NKAIN3: variants seen among roughly 807,000 people sequenced by gnomAD.
NKAIN3 encodes sodium/potassium-transporting ATPase subunit beta-1-interacting protein 3.
In NKAIN3, 25 loss-of-function variants were observed where a neutral mutation model predicts 30.2. The observed-to-expected ratio is 0.83, with a 90% confidence interval of 0.60 to 1.16. The LOEUF is 1.16. Among genes scored for constraint, NKAIN3 ranks in the 50% most tolerant of loss-of-function variants. The probability of loss-of-function intolerance (pLI) is 0.00; values close to 1 mark genes in which losing one functional copy is unlikely to be tolerated. For synonymous variants in NKAIN3, 91 were observed against 89.6 expected (o/e 1.02, Z -0.09); for missense variants, 225 against 254.1 (o/e 0.89, Z 0.78).
intron 2 of NKAIN3, among the ~76,000 whole-genome samples, chr8:62,588,723 T>G (rs979668895): frequency 2.0e-5 from 3 of 151,990 alleles, no homozygotes; most frequent in Admixed American, 1.3e-4. Flanking sequence ...TAATCACTGA[T>G]AGAAAACAAT....
chr8:62,854,157 G>T (rs1563594904), intron 4 of NKAIN3, among the ~76,000 whole-genome samples: 1 of 152,188 alleles, frequency 6.6e-6, no homozygotes, highest in African/African-American at 2.4e-5. Flanking sequence ...ATGTGGTAAT[G>T]AGAAGAATAT....
intron 3 of NKAIN3, among the ~76,000 whole-genome samples, chr8:62,701,994 G>A (rs957670839): frequency 1.3e-5 from 2 of 152,148 alleles, no homozygotes; most frequent in Non-Finnish European, 1.5e-5. Context: ...GCTCCCCAGC[G>A]GCTAACAGTA....
chr8:62,808,529 G>A (rs1818379030), intron 4 of NKAIN3, among the ~76,000 whole-genome samples: 1 of 152,112 alleles, frequency 6.6e-6, no homozygotes, highest in Admixed American at 6.6e-5. Flanking sequence ...CGACCGGTCT[G>A]AGAAATAAGG....
chr8:62,357,248 TA>T (rs1162865082), intron 1 of NKAIN3, among the ~76,000 whole-genome samples: 8 of 152,004 alleles, frequency 5.3e-5, no homozygotes, highest in African/African-American at 1.9e-4. Flanking sequence ...CCCCTGTCTC[TA>T]CAAAAAGTAA....
At chr8:62,770,692 T>C (rs758509640) in intron 4 of NKAIN3, among the ~76,000 whole-genome samples, 69 of 151,942 alleles carry the variant, frequency 4.5e-4, no homozygotes, top group Admixed American at 4.3e-3. Context: ...AGCAAACCTC[T>C]AACCAGTCAT....
At chr8:62,529,643 G>C (rs1423759978) in intron 1 of NKAIN3, among the ~76,000 whole-genome samples, 1 of 152,082 alleles carries the variant, frequency 6.6e-6, no homozygotes, top group Non-Finnish European at 1.5e-5. Context: ...CACTGAATCT[G>C]TCAGTGCCAT....
intron 3 of NKAIN3, among the ~76,000 whole-genome samples, chr8:62,666,271 G>A (rs974545815): frequency 6.6e-6 from 1 of 152,136 alleles, no homozygotes; most frequent in African/African-American, 2.4e-5. Context: ...GCTTGTATAA[G>A]TTCTGTAACC....
chr8:62,491,305 T>C (rs879686231), intron 1 of NKAIN3, among the ~76,000 whole-genome samples: 5 of 152,208 alleles, frequency 3.3e-5, no homozygotes, highest in Non-Finnish European at 5.9e-5. Context: ...ATAGATCCTA[T>C]AGGCCAGTGG....
intron 1 of NKAIN3, among the ~76,000 whole-genome samples, chr8:62,496,073 T>G (rs1807227933): frequency 6.6e-6 from 1 of 152,158 alleles, no homozygotes; most frequent in Non-Finnish European, 1.5e-5. Flanking sequence ...GTTAGATACT[T>G]TTATTAAGAT....
chr8:62,852,384 G>C (rs1338562339), intron 4 of NKAIN3, among the ~76,000 whole-genome samples: 2 of 151,924 alleles, frequency 1.3e-5, no homozygotes. Flanking sequence ...TATCAATTTT[G>C]TTGATCTTTT....
At chr8:62,912,660 A>G (rs891583283) in intron 4 of NKAIN3, among the ~76,000 whole-genome samples, 6 of 152,124 alleles carry the variant, frequency 3.9e-5, no homozygotes, top group African/African-American at 1.4e-4. Context: ...CTCTAATCCC[A>G]ACACTTTGGG....
At chr8:62,946,194 C>T (rs1464797922) in intron 5 of NKAIN3, among the ~76,000 whole-genome samples, 3 of 152,180 alleles carry the variant, frequency 2.0e-5, no homozygotes, top group Non-Finnish European at 4.4e-5. Context: ...CCTGCTTGGA[C>T]ATCTCTTCGG....
chr8:62,432,902 A>G (rs986745547), intron 1 of NKAIN3, among the ~76,000 whole-genome samples: 1 of 152,036 alleles, frequency 6.6e-6, no homozygotes, highest in East Asian at 1.9e-4. Flanking sequence ...AGTATTCACT[A>G]CACCAAAGCC....
intron 4 of NKAIN3, among the ~76,000 whole-genome samples, chr8:62,816,413 G>T (rs1818680204): frequency 6.6e-6 from 1 of 152,186 alleles, no homozygotes; most frequent in African/African-American, 2.4e-5. Flanking sequence ...GCATAAGCAT[G>T]CAGCAACTCT....
At position 62,257,556 on chromosome 8, in the gene NKAIN3, CA is replaced by C. The variant is rs1021613105; in HGVS notation, c.54+8437del. Reference sequence around the variant, plus strand: ...GAAACTTCATCCTGTCACTCCTCTTCAAAAAAAATAATGTCTCTGTAAGCTG... The same window carrying C: ...GAAACTTCATCCTGTCACTCCTCTTCAAAAAAATAATGTCTCTGTAAGCTG... On this transcript the variant is annotated intron_variant, in intron 1 of 6. Transcript: ENST00000623646. 2.6e-5 allele frequency among the ~76,000 whole-genome samples: 4 copies of C among 151,914 alleles called. No homozygotes were observed. In the South Asian group the frequency reaches 8.3e-4, roughly 31 times the overall value.
intron 4 of NKAIN3, among the ~76,000 whole-genome samples, chr8:62,879,352 T>A (rs1321699283): frequency 6.6e-6 from 1 of 152,190 alleles, no homozygotes; most frequent in East Asian, 1.9e-4. Flanking sequence ...CAGTTTTTGA[T>A]GGGGCTGTTT....
Position 62,763,993 on chromosome 8 carries a change from G to T in NKAIN3, c.471+16864G>T, listed in dbSNP as rs915148269. Among the ~76,000 whole-genome samples, 3 of 152,208 alleles carry T rather than the reference G, an allele frequency of 2.0e-5. No individual in the cohort carries two copies. The East Asian group carries it at 5.8e-4, about 29-fold the overall frequency. ...TTCGGGCTGACATCTCTCTGGTTGG[G>T]GAGGTTATATCAGGCTGGCATGTCT... On this transcript the variant is annotated intron_variant, in intron 4 of 6. Transcript: ENST00000623646.
chr8:62,579,508 A>G (rs1810225741), intron 1 of NKAIN3, 31 bp from the exon 2 acceptor site: 2 of 1,567,752 alleles, frequency 1.3e-6, no homozygotes, highest in East Asian at 4.5e-5. Context: ...GCTTGGATTC[A>G]ATGCTAATGA....
chr8:62,417,037 G>A (rs937624626), intron 1 of NKAIN3, among the ~76,000 whole-genome samples: 1 of 151,110 alleles, frequency 6.6e-6, no homozygotes, highest in Non-Finnish European at 1.5e-5. Context: ...TAGTCACCCT[G>A]TTGTACCATC....
Sources: allele counts gnomAD v4.1 joint callset (sites outside exome capture counted in the v4.1 genomes callset), GRCh38; gene constraint gnomAD v4.1.1; transcripts MANE v1.5; gene names NCBI Gene and HGNC (gene_info 2026-07-23, HGNC 2026-07-21).